Variants in DAAM2 observed in about 807,000 individuals in gnomAD.
DAAM2 encodes dishevelled associated activator of morphogenesis 2.
A neutral mutation model predicts 120.7 loss-of-function variants in DAAM2; 39 were observed. That is an observed-to-expected ratio of 0.32 (90% confidence interval 0.25 to 0.42). The LOEUF is 0.42. Ranked by LOEUF, DAAM2 falls within the 10% of genes least tolerant of loss-of-function variation. The pLI is 1.00. For synonymous variants in DAAM2, 488 were observed against 524.9 expected (o/e 0.93, Z 0.96); for missense variants, 1,283 against 1,401.7 (o/e 0.92, Z 1.35).
intron 1 of DAAM2, among the ~76,000 whole-genome samples, chr6:39,826,798 A>T (rs558711382): frequency 1.6e-4 from 25 of 152,338 alleles, no homozygotes; most frequent in African/African-American, 6.0e-4. Context: ...TGTAACTTCA[A>T]CTTGGCAAAT....
At chr6:39,855,592 C>G (rs1763967855) in intron 1 of DAAM2, among the ~76,000 whole-genome samples, 1 of 152,222 alleles carries the variant, frequency 6.6e-6, no homozygotes, top group African/African-American at 2.4e-5. Context: ...TGGCCGCCTC[C>G]TTCTAGAAGG....
At chr6:39,799,369 C>A (rs1237768309) in intron 1 of DAAM2, among the ~76,000 whole-genome samples, 2 of 152,132 alleles carry the variant, frequency 1.3e-5, no homozygotes, top group Non-Finnish European at 2.9e-5. Flanking sequence ...TTCGTTAGCA[C>A]CGTAATAGAA....
chr6:39,859,809 G>C (rs765761166), intron 2 of DAAM2, among the ~76,000 whole-genome samples: 6 of 152,000 alleles, frequency 3.9e-5, no homozygotes, highest in Non-Finnish European at 8.8e-5. Context: ...CTTTCTATTA[G>C]GCAGTTCTGA....
chr6:39,826,549 CCCTT>C (rs1453049218), intron 1 of DAAM2, among the ~76,000 whole-genome samples: 1 of 152,124 alleles, frequency 6.6e-6, no homozygotes, highest in Non-Finnish European at 1.5e-5. Flanking sequence ...CCAATAGCTC[CCCTT>C]TCCTGGAGAA....
At chr6:39,883,305 C>T (rs920806356) in intron 14 of DAAM2, among the ~76,000 whole-genome samples, 1 of 151,800 alleles carries the variant, frequency 6.6e-6, no homozygotes, top group South Asian at 2.1e-4. Context: ...CTGGACATAT[C>T]CCAGTTGTAA....
At position 39,869,601 on chromosome 6, in the gene DAAM2, C is replaced by A. The variant is rs539241930; in HGVS notation, c.873+668C>A. Among the ~76,000 whole-genome samples, 518 of 151,674 alleles carry A rather than the reference C, an allele frequency of 3.4e-3. 3 individuals carry two copies. The highest frequency in any genetic ancestry group is 0.012 in the African/African-American group (498 of 41,312). On this transcript the variant is annotated intron_variant, in intron 7 of 24. Transcript: ENST00000274867. ...GCAAAACTCCATCTCAAAGAAACAACAAAAAAAGCAACAATAGAAGAACTT... is the reference window on the plus strand; with the variant it reads ...GCAAAACTCCATCTCAAAGAAACAAAAAAAAAAGCAACAATAGAAGAACTT...
At chr6:39,829,705 C>CAT (rs1305872058) in intron 1 of DAAM2, among the ~76,000 whole-genome samples, 1 of 152,140 alleles carries the variant, frequency 6.6e-6, no homozygotes, top group African/African-American at 2.4e-5. Flanking sequence ...CAGTGCCTGC[C>CAT]ATATATGCCT....
At chr6:39,849,122 C>G (rs552579634) in intron 1 of DAAM2, among the ~76,000 whole-genome samples, 6 of 152,286 alleles carry the variant, frequency 3.9e-5, no homozygotes, top group African/African-American at 1.4e-4. Context: ...AGGAATCAAT[C>G]CAGTAATCCA....
In DAAM2 at chr6:39,879,393, C is replaced by G; in HGVS notation, c.1761C>G (p.Pro587=). The change falls in exon 14 of 25, where the codon CCC becomes CCG. Residue 587 remains proline, a synonymous_variant. Transcript: ENST00000274867. ...MGLPLPQDPY[P]SSDVPLRKKR... is the part of the protein sequence containing the mutation. Reference sequence around the variant, plus strand: ...TGCCCCTCCCTCAGGACCCCTACCCCAGCAGTGACGTCCCACTCAGGAAAA... The same window carrying G: ...TGCCCCTCCCTCAGGACCCCTACCCGAGCAGTGACGTCCCACTCAGGAAAA... The G allele has an allele frequency of 6.2e-7, 1 of 1,613,916 alleles. No individual in the cohort carries two copies.
In DAAM2 at chr6:39,861,002, C is replaced by T. The variant is rs745434756; in HGVS notation, c.243C>T (p.Tyr81=). 2 of 1,611,470 alleles carry T rather than the reference C, an allele frequency of 1.2e-6. No individual in the cohort carries two copies. Among genetic ancestry groups the T allele is most frequent in the Non-Finnish European group, 1.7e-6 (2 of 1,178,906 alleles). ...CCCCTGAGAAGAAATGGCAGATCTA[C>T]TGCAGCAAGAAGAAGGTGCCCTCTC... is the stretch of plus-strand genomic sequence containing the variant. ...ALPPEKKWQI[Y]CSKKKEQEDP... Residue 81 remains tyrosine (Y), a synonymous_variant, in exon 3 of 25, where the codon TAC becomes TAT. Coordinates refer to ENST00000274867, the MANE Select transcript of DAAM2 (RefSeq NM_001201427.2).
At chr6:39,794,399 C>G (rs1230603271) in intron 1 of DAAM2, among the ~76,000 whole-genome samples, 1 of 152,156 alleles carries the variant, frequency 6.6e-6, no homozygotes, top group Admixed American at 6.5e-5. Context: ...AACTCTGGCT[C>G]CTAACTCCCA....
At chr6:39,795,735 A>C (rs1285553841) in intron 1 of DAAM2, among the ~76,000 whole-genome samples, 6 of 152,124 alleles carry the variant, frequency 3.9e-5, no homozygotes, top group Non-Finnish European at 5.9e-5. Context: ...GATCATCCTT[A>C]CTTCCTTCCT....
rs763293394 is a variant in DAAM2, at chr6:39,879,308, C to A, written c.1676C>A (p.Pro559His). The change falls in exon 14 of 25, where the codon CCC becomes CAC. Residue 559 changes from proline (P) to histidine (H), a missense_variant. Pro to His is a moderately conservative substitution (Grantham distance 77, BLOSUM62 -2). This residue lies in a region of DAAM2 where 748 missense variants were observed against 768.6 expected (regional missense o/e 0.97). Transcript: ENST00000274867. ...FACCPPPPPP[P>H]LPPGGPPTPP... Reference sequence around the variant, plus strand: ...TGTTGTCCCCCTCCCCCACCACCACCCCTTCCTCCCGGGGGACCCCCGACT... The same window carrying A: ...TGTTGTCCCCCTCCCCCACCACCACACCTTCCTCCCGGGGGACCCCCGACT... 1.9e-6 allele frequency: 3 copies of A among 1,556,488 alleles called. No homozygotes were observed. In the East Asian group the frequency reaches 6.8e-5, roughly 36 times the overall value.
At chr6:39,883,671 C>G in intron 14 of DAAM2, 1 of 339,362 alleles carries the variant, frequency 2.9e-6, no homozygotes, top group South Asian at 6.5e-5. Context: ...AGTGGACCCC[C>G]TTTCCTACTG....
rs1308005846 is a variant in DAAM2, at chr6:39,887,546, G to A, written c.2014G>A (p.Val672Ile). The A allele has an allele frequency of 1.2e-6, 2 of 1,613,772 alleles. No homozygotes were observed. Among genetic ancestry groups the A allele is most frequent in the Non-Finnish European group, 1.7e-6 (2 of 1,179,844 alleles). The change falls in exon 16 of 25, where the codon GTC becomes ATC. Residue 672 changes from valine (V) to isoleucine (I), a missense_variant. Physicochemically the swap from Val to Ile is conservative, Grantham distance 29. Transcript: ENST00000274867. ...LASRKVKELS[V>I]IDGRRAQNCI... ...TTCCCGCAAGGTCAAAGAGCTGTCG[G>A]TCATTGATGGCCGGAGGGCCCAAAA...
chr6:39,856,468 G>A lies in DAAM2; in HGVS notation c.166G>A (p.Val56Met). 1.4e-6 allele frequency: 2 copies of A among 1,454,152 alleles called. No individual in the cohort carries two copies. Among genetic ancestry groups the A allele is most frequent in the South Asian group, 1.5e-5 (1 of 65,748 alleles). The allele number at this position is 1,454,152 out of a possible 1,614,324, so 90.1% of individuals were successfully genotyped here. ...GCTCAACATCCGCTTTGCAGAGCTG[G>A]TGGTCAGTGAGAGGGTGGGGAGAGA... ...EELNIRFAEL[V>M]DELDLTDKNR... is the part of the protein sequence containing the mutation. Residue 56 changes from valine to methionine, a missense_variant and splice_region_variant, in exon 2 of 25, where the codon GTG becomes ATG. Val to Met is a conservative substitution (Grantham distance 21). Around this residue, in one of 3 missense-constraint regions of DAAM2, gnomAD observed 197 missense variants for 189.3 expected, o/e 1.04. Transcript: ENST00000274867.
At chr6:39,837,581 T>C (rs931825439) in intron 1 of DAAM2, among the ~76,000 whole-genome samples, 1 of 141,958 alleles carries the variant, frequency 7.0e-6, no homozygotes, top group African/African-American at 2.7e-5. Flanking sequence ...GAGAATGGCT[T>C]GAACCCGGGA....
chr6:39,893,539 T>G (rs964558923), intron 19 of DAAM2, among the ~76,000 whole-genome samples: 2 of 151,788 alleles, frequency 1.3e-5, no homozygotes, highest in Non-Finnish European at 2.9e-5. Flanking sequence ...AAAAAAAGAA[T>G]TAGTCAGTGG....
At position 39,871,495 on chromosome 6, in the gene DAAM2, A is replaced by G. The variant is rs902162222; in HGVS notation, c.978-11A>G. 4 of 1,551,168 alleles carry G rather than the reference A, an allele frequency of 2.6e-6. No individual in the cohort carries two copies. Among genetic ancestry groups the G allele is most frequent in the East Asian group, 2.4e-5 (1 of 40,902 alleles). ...TAATGTCTACTCTCTCTGTCTCCCC[A>G]TTCTGTCTAGACATTTAGACTTCTT... On this transcript the variant is annotated splice_polypyrimidine_tract_variant and intron_variant, in intron 8 of 24. Coordinates refer to ENST00000274867, the MANE Select transcript of DAAM2 (RefSeq NM_001201427.2).
Sources: allele counts gnomAD v4.1 joint callset (sites outside exome capture counted in the v4.1 genomes callset), GRCh38; gene constraint gnomAD v4.1.1; regional missense constraint gnomAD v4.1.1; transcripts MANE v1.5; gene names NCBI Gene and HGNC (gene_info 2026-07-23, HGNC 2026-07-21).